MTERF4: variants seen among roughly 807,000 people sequenced by gnomAD.
MTERF4 encodes the protein mitochondrial transcription termination factor 4, also known as transcription termination factor 4, mitochondrial.
Under a neutral mutation model 22.5 loss-of-function variants are expected in MTERF4, and 17 were observed. The observed-to-expected ratio is 0.75, with a 90% confidence interval of 0.52 to 1.13. The LOEUF is 1.13. Among genes scored for constraint, MTERF4 ranks in the 50% most tolerant of loss-of-function variants. MTERF4 has a pLI of 0.00. For missense variants in MTERF4, 420 were observed against 466.8 expected (o/e 0.90, Z 0.92); for synonymous variants, 165 against 175.3 (o/e 0.94, Z 0.47).
At chr2:241,056,882 A>C in the MTERF4 span, among the ~76,000 whole-genome samples, 1 of 152,112 alleles carries the variant, frequency 6.6e-6, no homozygotes, top group Admixed American at 6.5e-5. Context: ...CGCCGGGCCA[A>C]ATAAGTGAAT....
chr2:241,057,107 A>G, the MTERF4 span, among the ~76,000 whole-genome samples: 1 of 151,968 alleles, frequency 6.6e-6, no homozygotes, highest in Admixed American at 6.6e-5. Context: ...GGTTGGGTGC[A>G]GTGGCTCACA....
the MTERF4 span, chr2:241,053,189 C>T: frequency 6.2e-7 from 1 of 1,611,086 alleles, no homozygotes; most frequent in Admixed American, 1.7e-5. Flanking sequence ...GTGAAGCACG[C>T]CACACTGCGC....
the MTERF4 span, among the ~76,000 whole-genome samples, chr2:241,057,771 T>C: frequency 6.6e-6 from 1 of 152,156 alleles, no homozygotes; most frequent in Non-Finnish European, 1.5e-5. Flanking sequence ...TAAAAAAATA[T>C]ATTCTCATAC....
At chr2:241,081,507 C>T (rs2063327654) in intron 4 of MTERF4, among the ~76,000 whole-genome samples, 1 of 152,236 alleles carries the variant, frequency 6.6e-6, no homozygotes, top group African/African-American at 2.4e-5. Context: ...AACACCTGAA[C>T]TGGGACCACG....
the MTERF4 span, among the ~76,000 whole-genome samples, chr2:241,060,955 T>C: frequency 1.3e-5 from 2 of 152,010 alleles, no homozygotes; most frequent in African/African-American, 4.8e-5. Context: ...AAAAAAACTA[T>C]ATAATTTTGT....
the MTERF4 span, chr2:241,065,669 A>G: frequency 7.5e-7 from 1 of 1,325,764 alleles, no homozygotes; most frequent in Non-Finnish European, 1.0e-6. Flanking sequence ...CGGCACCTGC[A>G]GGGCGGCTGT....
chr2:241,055,329 T>C, the MTERF4 span, among the ~76,000 whole-genome samples: 1 of 152,108 alleles, frequency 6.6e-6, no homozygotes. Context: ...CACATTATAG[T>C]AAAATACGAG....
chr2:241,060,679 A>G, the MTERF4 span, among the ~76,000 whole-genome samples: 1 of 152,324 alleles, frequency 6.6e-6, no homozygotes, highest in Admixed American at 6.5e-5. Context: ...CACATGGCTC[A>G]TGCCTATAAT....
the MTERF4 span, chr2:241,048,859 A>T: frequency 1.3e-5 from 16 of 1,243,416 alleles, no homozygotes; most frequent in Non-Finnish European, 1.7e-5. Flanking sequence ...GTAGGTCCAG[A>T]CTGTCGACCA....
chr2:241,073,181 T>G lies in MTERF4; in HGVS notation n.2981A>C. On this transcript the variant is annotated non_coding_transcript_exon_variant, in exon 5 of 5. Coordinates refer to the MTERF4 transcript ENST00000464344. This position sits in a 1 kb window ranked among gnomAD's most constrained non-coding sequence, Gnocchi z 6.6. ...CCAGGGACATCCGTGCTCCCTGAGA[T>G]ATAGAAGCACTCAAAAGGGTGGCCC... is the stretch of plus-strand genomic sequence containing the variant. 5 of 959,090 alleles carry G rather than the reference T, an allele frequency of 5.2e-6. No individual in the cohort carries two copies. The highest frequency in any genetic ancestry group is 1.5e-5 in the South Asian group (1 of 66,868). 59.4% of individuals were successfully genotyped at this position (959,090 alleles called of 1,614,324 possible).
downstream of MTERF4, chr2:241,091,630 C>T (rs2064012646): frequency 6.6e-6 from 1 of 152,202 alleles, no homozygotes; most frequent in Non-Finnish European, 1.5e-5. This position sits in a 1 kb window ranked among gnomAD's most constrained non-coding sequence, Gnocchi z 4.1. Context: ...TTTGTTTTTT[C>T]TTCAAAGGAT....
At chr2:241,071,746 T>G, downstream of MTERF4, 1 of 837,546 alleles carries the variant, frequency 1.2e-6, no homozygotes, top group Non-Finnish European at 1.7e-6. Context: ...ATCGGCCCCA[T>G]CGCCCGAGGC....
chr2:241,065,937 G>A, the MTERF4 span, among the ~76,000 whole-genome samples: 1 of 152,022 alleles, frequency 6.6e-6, no homozygotes. Context: ...GGGAGACAGG[G>A]GCCGCGGGGG....
At chr2:241,064,875 G>T in the MTERF4 span, 1 of 1,591,320 alleles carries the variant, frequency 6.3e-7, no homozygotes. This position sits in a 1 kb window ranked among gnomAD's most constrained non-coding sequence, Gnocchi z 7.0. Flanking sequence ...GCCCCTGTGG[G>T]GGCCGTGGCT....
At chr2:241,053,224 G>C in the MTERF4 span, 2 of 1,609,482 alleles carry the variant, frequency 1.2e-6, no homozygotes. Flanking sequence ...GCTGGGCGCG[G>C]TGGCCCTGTA....
chr2:241,045,719 A>AG, the MTERF4 span, among the ~76,000 whole-genome samples: 1 of 151,942 alleles, frequency 6.6e-6, no homozygotes, highest in Admixed American at 6.5e-5. Flanking sequence ...TAGGCAAAAA[A>AG]AAAAAAAATT....
At chr2:241,069,184 C>T (rs1254342020), downstream of MTERF4, among the ~76,000 whole-genome samples, 1 of 152,202 alleles carries the variant, frequency 6.6e-6, no homozygotes, top group Non-Finnish European at 1.5e-5. The surrounding 1 kb of genome is among the most constrained non-coding windows in gnomAD (Gnocchi z 4.9). Flanking sequence ...GGGCAGGAGC[C>T]GCTGGGCTGG....
chr2:241,089,880 T>A (rs2063800988), downstream of MTERF4: 6 of 1,491,960 alleles, frequency 4.0e-6, no homozygotes, highest in Admixed American at 1.2e-4. Context: ...AGCGTGTTAC[T>A]GAATACTGTA....
rs1195705360 is a variant in MTERF4, at chr2:241,073,508, C to T, written n.2654G>A. The T allele has an allele frequency of 1.3e-5, 9 of 708,252 alleles. No individual in the cohort carries two copies. The highest frequency in any genetic ancestry group is 3.5e-5 in the African/African-American group (2 of 56,826). The allele number at this position is 708,252 out of a possible 1,614,324, so 43.9% of individuals were successfully genotyped here. On this transcript the variant is annotated non_coding_transcript_exon_variant, in exon 5 of 5. Transcript: ENST00000464344. This position sits in a 1 kb window ranked among gnomAD's most constrained non-coding sequence, Gnocchi z 6.6. ...AGGGGAGGCTGAGCACCAGGCACCC[C>T]GGTGTGGGAAGATGGGGTGAAGCTA...
Sources: gnomAD v4.1 joint callset for allele counts (sites outside exome capture counted in the v4.1 genomes callset) on GRCh38, gnomAD v4.1.1 for gene constraint, Gnocchi (gnomAD v3.1) non-coding constraint, MANE v1.5 for transcripts, NCBI Gene and HGNC (gene_info 2026-07-23, HGNC 2026-07-21) for gene names.